ADAMTS19: variants seen among roughly 807,000 people sequenced by gnomAD.
ADAMTS19 encodes ADAM metallopeptidase with thrombospondin type 1 motif 19, also known as A disintegrin and metalloproteinase with thrombospondin motifs 19.
A neutral mutation model predicts 153.3 loss-of-function variants in ADAMTS19; 93 were observed. The observed-to-expected ratio is 0.61, with a 90% CI of 0.51 to 0.72. The LOEUF (loss-of-function observed/expected upper bound fraction) is 0.72. Ranked by LOEUF, ADAMTS19 falls within the 30% of genes least tolerant of loss-of-function variation. ADAMTS19 has a pLI of 0.00. For missense variants in ADAMTS19, 1,482 were observed against 1,552.1 expected, an observed-to-expected ratio of 0.95 and a Z score of 0.76; for synonymous variants, 600 against 556.6, an observed-to-expected ratio of 1.08 and a Z score of -1.10.
intron 7 of ADAMTS19, among the ~76,000 whole-genome samples, chr5:129,552,750 G>C (rs1236030777): frequency 2.0e-5 from 3 of 151,796 alleles, no homozygotes; most frequent in Admixed American, 6.6e-5. Context: ...AGGGATATTA[G>C]TATTTTAAAA....
intron 17 of ADAMTS19, among the ~76,000 whole-genome samples, chr5:129,682,129 T>C (rs1272058456): frequency 6.6e-6 from 1 of 152,206 alleles, no homozygotes; most frequent in Non-Finnish European, 1.5e-5. Flanking sequence ...ATCCTTAATC[T>C]AACTGGTAAT....
intron 6 of ADAMTS19, among the ~76,000 whole-genome samples, chr5:129,548,326 CA>C (rs368141882): frequency 0.23 from 31,548 of 135,948 alleles, 3,895 homozygotes; most frequent in South Asian, 0.28. Flanking sequence ...AACAAATTTA[CA>C]AAAAAAAAAA....
chr5:129,717,893 T>G (rs1448309418), intron 21 of ADAMTS19, among the ~76,000 whole-genome samples: 1 of 152,198 alleles, frequency 6.6e-6, no homozygotes, highest in African/African-American at 2.4e-5. Flanking sequence ...TCTGATCCAC[T>G]TTTGACATAC....
chr5:129,696,846 A>G (rs1165274779), intron 19 of ADAMTS19, among the ~76,000 whole-genome samples: 2 of 152,162 alleles, frequency 1.3e-5, no homozygotes, highest in Non-Finnish European at 2.9e-5. Context: ...GGGGTTGTAG[A>G]GACCAAGGTT....
chr5:129,582,109 T>C (rs537496701), intron 7 of ADAMTS19, among the ~76,000 whole-genome samples: 18 of 151,282 alleles, frequency 1.2e-4, no homozygotes, highest in African/African-American at 4.4e-4. Context: ...TAGATGTCTG[T>C]TAGTTCCACT....
At chr5:129,482,357 G>A (rs1336706124) in intron 2 of ADAMTS19, among the ~76,000 whole-genome samples, 1 of 152,072 alleles carries the variant, frequency 6.6e-6, no homozygotes, top group Non-Finnish European at 1.5e-5. Context: ...GGGCCTTCCA[G>A]TCAATGAAAT....
At chr5:129,468,300 G>A (rs1219725061) in intron 2 of ADAMTS19, among the ~76,000 whole-genome samples, 1 of 152,026 alleles carries the variant, frequency 6.6e-6, no homozygotes, top group Non-Finnish European at 1.5e-5. Flanking sequence ...TTACCAGTAT[G>A]GACGTTATTA....
At position 129,665,504 on chromosome 5, in the gene ADAMTS19, G is replaced by A. The variant is rs2127082432; in HGVS notation, c.2431G>A (p.Val811Ile). 6.2e-7 allele frequency: 1 copy of A among 1,607,250 alleles called. No individual in the cohort carries two copies. Among genetic ancestry groups the A allele is most frequent in the African/African-American group, 1.3e-5 (1 of 74,836 alleles). The change falls in exon 16 of 23, where the codon GTA becomes ATA. Residue 811 changes from valine to isoleucine, a missense_variant. Physicochemically the swap from Val to Ile is conservative, Grantham distance 29. Transcript: ENST00000274487. Reference sequence around the variant, plus strand: ...TGTTTTATTGACTCTTACAGGTTATGTAGAAGTGCTGGTGATACCTGCTGG... The same window carrying A: ...TGTTTTATTGACTCTTACAGGTTATATAGAAGTGCTGGTGATACCTGCTGG... The part of the protein sequence containing the change: ...DFNHTRGAGY[V>I]EVLVIPAGAR...
chr5:129,588,342 G>C (rs958839699), intron 7 of ADAMTS19, among the ~76,000 whole-genome samples: 7 of 152,040 alleles, frequency 4.6e-5, no homozygotes, highest in African/African-American at 1.7e-4. Flanking sequence ...CTTTGTATAG[G>C]TAGTAAGTGT....
intron 3 of ADAMTS19, among the ~76,000 whole-genome samples, chr5:129,515,623 T>C (rs1427139306): frequency 6.6e-6 from 1 of 152,094 alleles, no homozygotes; most frequent in East Asian, 1.9e-4. Context: ...ATGCTAATGA[T>C]TTTTGCATGT....
chr5:129,554,213 A>C (rs1326499505), intron 7 of ADAMTS19, among the ~76,000 whole-genome samples: 1 of 152,132 alleles, frequency 6.6e-6, no homozygotes, highest in Non-Finnish European at 1.5e-5. Flanking sequence ...GGATAACTGT[A>C]TATTTATAAG....
At chr5:129,624,421 T>C (rs1212082077) in intron 10 of ADAMTS19, among the ~76,000 whole-genome samples, 1 of 152,146 alleles carries the variant, frequency 6.6e-6, no homozygotes, top group Non-Finnish European at 1.5e-5. Context: ...AATGAAAGAT[T>C]TTGAGGTACA....
chr5:129,671,705 T>G (rs928106911), intron 16 of ADAMTS19, among the ~76,000 whole-genome samples: 1 of 152,190 alleles, frequency 6.6e-6, no homozygotes, highest in Admixed American at 6.5e-5. Flanking sequence ...TATTATTTGC[T>G]TTTCTGAAGA....
intron 7 of ADAMTS19, among the ~76,000 whole-genome samples, chr5:129,558,614 C>G (rs1753395385): frequency 6.6e-6 from 1 of 151,956 alleles, no homozygotes; most frequent in Non-Finnish European, 1.5e-5. Context: ...CATTAAAATT[C>G]TAACGAGAGT....
chr5:129,705,425 C>A (rs1581245768), intron 21 of ADAMTS19, among the ~76,000 whole-genome samples: 2 of 152,242 alleles, frequency 1.3e-5, no homozygotes, highest in East Asian at 3.9e-4. Flanking sequence ...GAAATATAAG[C>A]TATTTTCTCA....
intron 6 of ADAMTS19, among the ~76,000 whole-genome samples, chr5:129,547,805 T>G (rs1297916178): frequency 6.6e-6 from 1 of 150,780 alleles, no homozygotes; most frequent in African/African-American, 2.5e-5. Flanking sequence ...CAAAACAGCA[T>G]GGTACTGCTA....
chr5:129,630,804 T>C (rs1752252247), intron 10 of ADAMTS19, among the ~76,000 whole-genome samples: 1 of 152,012 alleles, frequency 6.6e-6, no homozygotes, highest in Non-Finnish European at 1.5e-5. Flanking sequence ...AGCCACAGAA[T>C]GGGTGAAAAT....
intron 19 of ADAMTS19, among the ~76,000 whole-genome samples, chr5:129,701,125 T>G (rs889284538): frequency 2.6e-5 from 4 of 150,990 alleles, no homozygotes; most frequent in South Asian, 2.1e-4. Context: ...TCTCATGAGA[T>G]CTGATGGCTT....
intron 8 of ADAMTS19, among the ~76,000 whole-genome samples, chr5:129,602,828 G>C (rs112429518): frequency 0.02 from 2,806 of 140,622 alleles, 44 homozygotes; most frequent in Middle Eastern, 0.058. Context: ...TATATTCTCT[G>C]TGTGTGTGTG....
Sources: allele counts gnomAD v4.1 joint callset (sites outside exome capture counted in the v4.1 genomes callset), GRCh38; gene constraint gnomAD v4.1.1; transcripts MANE v1.5; gene names NCBI Gene and HGNC (gene_info 2026-07-23, HGNC 2026-07-21).